NBN: variants seen among roughly 807,000 people sequenced by gnomAD.
NBN encodes Nijmegen breakage syndrome 1 (nibrin).
NBN carries 88 observed loss-of-function variants against 90.8 expected under a neutral mutation model. That is an observed-to-expected ratio of 0.97 (90% confidence interval 0.82 to 1.16). NBN has a LOEUF of 1.16. Ranked by LOEUF, NBN falls within the 50% of genes most tolerant of loss-of-function variation. NBN has a pLI of 0.00. For synonymous variants in NBN, 328 were observed against 295.1 expected, an observed-to-expected ratio of 1.11 and a Z score of -1.14; for missense variants, 894 against 869.6, an observed-to-expected ratio of 1.03 and a Z score of -0.35.
chr8:89,942,186 A>G (rs928119442), intron 14 of NBN, among the ~76,000 whole-genome samples: 2 of 152,332 alleles, frequency 1.3e-5, no homozygotes, highest in African/African-American at 4.8e-5. Context: ...AAACTTGCCC[A>G]TCTTCATTCT....
rs139808182 is a variant in NBN at position 89,942,596 on chromosome 8, A to C, written c.2184+657T>G. 4.9e-3 allele frequency among the ~76,000 whole-genome samples: 741 copies of C among 152,304 alleles called. 7 individuals carry two copies. The highest frequency in any genetic ancestry group is 0.017 in the African/African-American group (698 of 41,586). ...GGAAGCTTGAAAAACAGCAAGGAAC[A>C]AGAAGATTTAGAAAGAAATAAAACA... is the stretch of plus-strand genomic sequence containing the variant. On this transcript the variant is annotated intron_variant, in intron 14 of 15. Transcript: ENST00000265433.
rs1338334368 is a variant in NBN, at chr8:89,937,265, A to C, written c.2185-190T>G. 3 of 594,788 alleles carry C rather than the reference A, an allele frequency of 5.0e-6. No individual in the cohort carries two copies. The East Asian group carries it at 8.6e-5, about 17-fold the overall frequency. 36.8% of individuals were successfully genotyped at this position (594,788 alleles called of 1,614,324 possible). On this transcript the variant is annotated intron_variant, in intron 14 of 15. Transcript: ENST00000265433. ...TTTCAATCCATGCTAAGATTATTAC[A>C]AAAGAGCTCTAACTAAACAGCTTTC...
chr8:89,963,922 C>T (rs558384000), intron 8 of NBN, among the ~76,000 whole-genome samples: 2 of 152,200 alleles, frequency 1.3e-5, no homozygotes, highest in Admixed American at 6.5e-5. Context: ...TTAGAATTCT[C>T]CACACAAACC....
chr8:89,954,270 T>C (rs914396949), intron 10 of NBN, among the ~76,000 whole-genome samples: 1 of 152,162 alleles, frequency 6.6e-6, no homozygotes, highest in Non-Finnish European at 1.5e-5. Context: ...CACAAAGACC[T>C]GGGACTCTGT....
chr8:89,971,460 G>A (rs888367267), intron 5 of NBN, 170 bp from the exon 6 acceptor site: 35 of 418,590 alleles, frequency 8.4e-5, no homozygotes, highest in African/African-American at 4.1e-4. Context: ...GCATCTAATC[G>A]CGTTTTCTAG....
chr8:89,978,179 A>T, intron 5 of NBN, 41 bp downstream of exon 5: 1 of 1,518,156 alleles, frequency 6.6e-7, no homozygotes, highest in Non-Finnish European at 9.1e-7. Context: ...CAATGCTATC[A>T]TATAAGTGAC....
At chr8:89,972,614 C>G (rs1811567873) in intron 5 of NBN, among the ~76,000 whole-genome samples, 1 of 152,196 alleles carries the variant, frequency 6.6e-6, no homozygotes, top group Non-Finnish European at 1.5e-5. Flanking sequence ...ATTTTAATAT[C>G]TCTTTGAATC....
rs1057521287 is a variant in NBN at position 89,955,271 on chromosome 8, T to C, written c.1397+12A>G. ...TTTTTCAGAGACATGAGAGAAGTTA[T>C]CAAAAACAGACCTTTTTTTGGTAGA... is the stretch of plus-strand genomic sequence containing the variant. On this transcript the variant is annotated intron_variant, in intron 10 of 15. Transcript: ENST00000265433. The C allele has an allele frequency of 1.2e-6, 2 of 1,612,514 alleles. No homozygotes were observed. The highest frequency in any genetic ancestry group is 1.1e-5 in the South Asian group (1 of 91,044).
intron 13 of NBN, among the ~76,000 whole-genome samples, chr8:89,943,765 A>C (rs1810059506): frequency 6.6e-6 from 1 of 152,142 alleles, no homozygotes; most frequent in African/African-American, 2.4e-5. Flanking sequence ...TGAAAATTTA[A>C]ATCTTTTTCA....
chr8:89,970,353 T>TA lies in NBN; in HGVS notation c.896+10dup, dbSNP rs763938484. The TA allele has an allele frequency of 1.2e-5, 19 of 1,594,600 alleles. No homozygotes were observed. In the African/African-American group the frequency reaches 2.6e-4, roughly 21 times the overall value. On this transcript the variant is annotated intron_variant, in intron 7 of 15. Coordinates refer to ENST00000265433, the MANE Select transcript of NBN (RefSeq NM_002485.5). ...CTTGCAGTTTTTTACTAATAAAGAA[T>TA]AATTCTATACCTTTGGAGCATATCC...
chr8:89,958,434 G>A (rs369556512), intron 9 of NBN, among the ~76,000 whole-genome samples: 2 of 152,172 alleles, frequency 1.3e-5, no homozygotes, highest in African/African-American at 4.8e-5. Context: ...AAGAGACTAC[G>A]TATTGTCTCT....
chr8:89,955,796 AGAC>A lies in NBN; in HGVS notation c.1125-244_1125-242del, dbSNP rs1368918004. Among the ~76,000 whole-genome samples, 3 of 152,260 alleles carry A rather than the reference AGAC, an allele frequency of 2.0e-5. No homozygotes were observed. In the East Asian group the frequency reaches 5.8e-4, roughly 29 times the overall value. The stretch of plus-strand genomic sequence containing the variant: ...ACAGCACATATTGTTGCTCCACTAT[AGAC>A]GACTGACAAACACACACAGAATACC... On this transcript the variant is annotated intron_variant, in intron 9 of 15. Coordinates refer to ENST00000265433, the MANE Select transcript of NBN (RefSeq NM_002485.5).
intron 13 of NBN, 97 bp from the exon 14 acceptor site, chr8:89,943,463 T>C (rs1810046928): frequency 7.3e-6 from 9 of 1,233,616 alleles, no homozygotes; most frequent in Admixed American, 1.8e-5. Flanking sequence ...AAATCATGCA[T>C]AAGTGCCAAA....
At chr8:89,942,788 C>G (rs548092121) in intron 14 of NBN, among the ~76,000 whole-genome samples, 1 of 151,894 alleles carries the variant, frequency 6.6e-6, no homozygotes, top group Admixed American at 6.6e-5. Flanking sequence ...ATTTAACTTA[C>G]GTTAAGTTGG....
Position 89,935,507 on chromosome 8 carries a change from A to G in NBN, c.*75T>C, listed in dbSNP as rs1809628143. ...CTTAAATCGCTTCTATACACTATAT[A>G]TTCATATAACCTTGTTGGCCTGAAG... On this transcript the variant is annotated 3_prime_UTR_variant, in exon 16 of 16. Coordinates refer to ENST00000265433, the MANE Select transcript of NBN (RefSeq NM_002485.5). 1 of 1,570,626 alleles carries G rather than the reference A, an allele frequency of 6.4e-7. No homozygotes were observed. Among genetic ancestry groups the G allele is most frequent in the Admixed American group, 1.7e-5 (1 of 59,498 alleles).
At chr8:89,980,592 C>T (rs1475313297) in intron 4 of NBN, 142 bp downstream of exon 4, 2 of 671,168 alleles carry the variant, frequency 3.0e-6, no homozygotes, top group East Asian at 5.5e-5. Context: ...AAATGGTATA[C>T]AAAGGGATGG....
At chr8:89,937,761 C>G (rs1292693575) in intron 14 of NBN, among the ~76,000 whole-genome samples, 1 of 152,164 alleles carries the variant, frequency 6.6e-6, no homozygotes, top group Admixed American at 6.5e-5. Flanking sequence ...ATTTTACTTT[C>G]CTAATCACTT....
chr8:89,962,022 A>T (rs562163809), intron 8 of NBN, among the ~76,000 whole-genome samples: 6 of 152,298 alleles, frequency 3.9e-5, no homozygotes, highest in Non-Finnish European at 7.4e-5. Flanking sequence ...AAGAATAAAA[A>T]ATGTCCAAAG....
chr8:89,945,065 T>C (rs978541088), intron 13 of NBN, among the ~76,000 whole-genome samples: 6 of 152,234 alleles, frequency 3.9e-5, no homozygotes, highest in African/African-American at 1.4e-4. Context: ...TTCATATTAC[T>C]TCATACTTCT....
Sources: gnomAD v4.1 joint callset for allele counts (sites outside exome capture counted in the v4.1 genomes callset) on GRCh38, gnomAD v4.1.1 for gene constraint, MANE v1.5 for transcripts, NCBI Gene and HGNC (gene_info 2026-07-23, HGNC 2026-07-21) for gene names.